The following PDE4D variants were observed in gnomAD, a reference collection of about 807,000 sequenced individuals.
PDE4D encodes the protein phosphodiesterase 4D.
Under a neutral mutation model 87.4 loss-of-function variants are expected in PDE4D, and 24 were observed. The ratio of observed to expected loss-of-function variants is 0.27; its 90% CI spans 0.20 to 0.39. The LOEUF is 0.39. Among genes scored for constraint, PDE4D ranks in the 10% least tolerant of loss-of-function variants. The pLI is 1.00. For synonymous variants in PDE4D, 384 were observed against 383.2 expected (o/e 1.00, Z -0.02); for missense variants, 714 against 1,041.0 (o/e 0.69, Z 4.32).
At chr5:60,080,239 G>A (rs1158989679) in intron 2 of PDE4D, among the ~76,000 whole-genome samples, 1 of 152,308 alleles carries the variant, frequency 6.6e-6, no homozygotes, top group East Asian at 1.9e-4. Flanking sequence ...TCTGTATCTT[G>A]AGACTTTGCT....
intron 3 of PDE4D, among the ~76,000 whole-genome samples, chr5:59,933,088 T>C (rs1756155291): frequency 3.3e-5 from 5 of 152,166 alleles, no homozygotes; most frequent in Admixed American, 2.6e-4. Flanking sequence ...AGAAAATTTG[T>C]AGCTGGAACA....
At chr5:59,708,520 G>A (rs559791340) in intron 1 of PDE4D, among the ~76,000 whole-genome samples, 2 of 152,284 alleles carry the variant, frequency 1.3e-5, no homozygotes, top group Admixed American at 6.5e-5. Flanking sequence ...AAAGCTGGGA[G>A]TCTATGGAGC....
chr5:59,942,034 A>G (rs1757240342), intron 3 of PDE4D, among the ~76,000 whole-genome samples: 1 of 152,154 alleles, frequency 6.6e-6, no homozygotes, highest in Admixed American at 6.5e-5. Flanking sequence ...TGTGTTCTTG[A>G]TTGCACCAGC....
At chr5:60,431,316 C>T (rs1213579791) in intron 1 of PDE4D, among the ~76,000 whole-genome samples, 26 of 147,948 alleles carry the variant, frequency 1.8e-4, no homozygotes, top group African/African-American at 6.3e-4. Flanking sequence ...ACTTCTCAGA[C>T]GGGGCGGTTG....
chr5:60,022,890 A>G (rs13154041), intron 2 of PDE4D, among the ~76,000 whole-genome samples: 44,088 of 151,700 alleles, frequency 0.29, 7,204 homozygotes, highest in East Asian at 0.74. Flanking sequence ...TCTCTTATCT[A>G]TTTCAAAGAC....
intron 1 of PDE4D, among the ~76,000 whole-genome samples, chr5:59,285,135 T>C (rs1306389156): frequency 7.4e-6 from 1 of 135,672 alleles, no homozygotes; most frequent in Non-Finnish European, 1.6e-5. Context: ...GTGGGTGCAG[T>C]GCACCAGCAT....
At chr5:59,412,413 T>C (rs2153621458) in intron 1 of PDE4D, among the ~76,000 whole-genome samples, 1 of 152,268 alleles carries the variant, frequency 6.6e-6, no homozygotes, top group South Asian at 2.1e-4. Flanking sequence ...TCTGCGGTAG[T>C]TACACATCCA....
chr5:60,012,125 A>C (rs764859152), intron 2 of PDE4D, among the ~76,000 whole-genome samples: 2 of 152,172 alleles, frequency 1.3e-5, no homozygotes, highest in African/African-American at 2.4e-5. Context: ...ATAATATATA[A>C]AAATAAGTCA....
intron 1 of PDE4D, among the ~76,000 whole-genome samples, chr5:59,414,496 C>T (rs988707880): frequency 1.3e-5 from 2 of 152,172 alleles, no homozygotes; most frequent in African/African-American, 4.8e-5. Flanking sequence ...CATGGAGACA[C>T]AAACATTGGG....
intron 3 of PDE4D, among the ~76,000 whole-genome samples, chr5:59,967,975 CTTTTTTTTTTTTT>C (rs34199262): frequency 5.7e-5 from 3 of 52,686 alleles, no homozygotes; most frequent in Non-Finnish European, 1.0e-4. Context: ...GAGCCATATG[CTTTTTTTTTTTTT>C]TTTTTTTTTT....
intron 2 of PDE4D, among the ~76,000 whole-genome samples, chr5:60,110,569 T>C (rs116110905): frequency 0.019 from 2,869 of 152,218 alleles, 86 homozygotes; most frequent in African/African-American, 0.066. Context: ...TAAATTAGTA[T>C]AGCCATTATG....
intron 1 of PDE4D, among the ~76,000 whole-genome samples, chr5:60,214,516 A>T (rs1743623648): frequency 2.0e-5 from 3 of 152,216 alleles, no homozygotes; most frequent in Admixed American, 2.0e-4. Context: ...AAATGAATTT[A>T]GTATAACTAC....
At chr5:59,083,241 C>CT (rs58611906) in intron 5 of PDE4D, among the ~76,000 whole-genome samples, 9 of 150,926 alleles carry the variant, frequency 6.0e-5, no homozygotes, top group South Asian at 2.1e-4. Flanking sequence ...TTGAAAGATC[C>CT]TTTTTTTTTG....
intron 1 of PDE4D, among the ~76,000 whole-genome samples, chr5:60,441,842 C>G (rs777477054): frequency 1.3e-5 from 2 of 151,842 alleles, no homozygotes; most frequent in Non-Finnish European, 3.0e-5. Context: ...GAAAAAAAAG[C>G]TCATCATCAC....
rs76410257 is a variant in PDE4D at position 60,291,545 on chromosome 5, G to T, written c.-89-105858C>A. On this transcript the variant is annotated intron_variant, in intron 1 of 16. Transcript: ENST00000502484. The stretch of plus-strand genomic sequence containing the variant: ...ATAACGAACAAATATAACGTTTTTA[G>T]AGAAGAGATGATGCTAATCGTTAAG... Among the ~76,000 whole-genome samples the T allele has an allele frequency of 0.012, 1,827 of 151,928 alleles. 63 individuals carry two copies. In the East Asian group the frequency reaches 0.13, roughly 11 times the overall value.
intron 1 of PDE4D, among the ~76,000 whole-genome samples, chr5:60,515,664 G>A (rs1379390151): frequency 7.1e-6 from 1 of 141,680 alleles, no homozygotes; most frequent in African/African-American, 2.8e-5. Context: ...AAACTGAGAT[G>A]GCCACAACCC....
chr5:59,179,787 G>A (rs911865636), intron 5 of PDE4D: 14 of 275,882 alleles, frequency 5.1e-5, no homozygotes, highest in Non-Finnish European at 8.5e-5. Flanking sequence ...TTTTCTTCTG[G>A]TAATAATTTT....
chr5:59,850,405 A>G (rs961297724), intron 1 of PDE4D, among the ~76,000 whole-genome samples: 4 of 152,082 alleles, frequency 2.6e-5, no homozygotes, highest in Non-Finnish European at 5.9e-5. Flanking sequence ...AATAAGATTT[A>G]CCACAAAGGG....
intron 3 of PDE4D, among the ~76,000 whole-genome samples, chr5:59,944,664 C>A (rs1439097886): frequency 6.6e-6 from 1 of 151,520 alleles, no homozygotes; most frequent in African/African-American, 2.4e-5. Context: ...AGCCACCGCA[C>A]CCAGCAGTAT....
Sources: allele counts gnomAD v4.1 joint callset (sites outside exome capture counted in the v4.1 genomes callset), GRCh38; gene constraint gnomAD v4.1.1; transcripts MANE v1.5; gene names NCBI Gene and HGNC (gene_info 2026-07-23, HGNC 2026-07-21).